Variants in KLK14 observed in about 807,000 individuals in gnomAD.
KLK14 encodes kallikrein related peptidase 14.
KLK14 carries 21 observed loss-of-function variants against 24.6 expected under a neutral mutation model. The ratio of observed to expected loss-of-function variants is 0.85; its 90% CI spans 0.61 to 1.23. The LOEUF (loss-of-function observed/expected upper bound fraction) is 1.23, where lower values mean the gene tolerates loss of function less well. Ranked by LOEUF, KLK14 falls within the 50% of genes most tolerant of loss-of-function variation. The pLI, the probability that KLK14 is intolerant of heterozygous loss-of-function variation, is 0.00. For missense variants in KLK14, 320 were observed against 338.9 expected (o/e 0.94, Z 0.44); for synonymous variants, 133 against 139.7 (o/e 0.95, Z 0.34).
At position 51,078,731 on chromosome 19, in the gene KLK14, C is replaced by T; in HGVS notation, c.603+84G>A. ...GCGGTTCACTCTCTTCTGAAGACCT[C>T]TGCAGACTTCCATGCTCCTGACATC... On this transcript the variant is annotated intron_variant, in intron 5 of 5. Transcript: ENST00000650543. This position sits in a 1 kb window ranked among gnomAD's most constrained non-coding sequence, Gnocchi z 5.0. 6.4e-7 allele frequency: 1 copy of T among 1,550,778 alleles called. No individual in the cohort carries two copies. Among genetic ancestry groups the T allele is most frequent in the Non-Finnish European group, 8.7e-7 (1 of 1,143,988 alleles).
At chr19:51,081,772 A>G (rs1050097546) in intron 2 of KLK14, 69 bp from the exon 3 acceptor site, 5 of 1,359,514 alleles carry the variant, frequency 3.7e-6, no homozygotes, top group Non-Finnish European at 3.9e-6. Flanking sequence ...AGTTTGTAGG[A>G]TTCCAAAACT....
upstream of KLK14, among the ~76,000 whole-genome samples, chr19:51,083,341 G>GAC (rs2091852771): frequency 2.0e-5 from 3 of 147,864 alleles, no homozygotes; most frequent in African/African-American, 7.7e-5. Context: ...GAGAAAGACA[G>GAC]AGAGACACAC....
intron 3 of KLK14, 143 bp downstream of exon 3, chr19:51,081,389 T>G (rs75999580): frequency 1.5e-5 from 10 of 664,952 alleles, no homozygotes; most frequent in East Asian, 6.8e-5. Context: ...GCTGTGTTTT[T>G]GTTCCAGGCT....
Position 51,078,737 on chromosome 19 carries a change from A to T in KLK14, c.603+78T>A. On this transcript the variant is annotated intron_variant, in intron 5 of 5. Transcript: ENST00000650543. The surrounding 1 kb of genome is among the most constrained non-coding windows in gnomAD (Gnocchi z 5.0). ...CACTCTCTTCTGAAGACCTCTGCAG[A>T]CTTCCATGCTCCTGACATCATTTGC... is the stretch of plus-strand genomic sequence containing the variant. The T allele has an allele frequency of 6.4e-7, 1 of 1,558,400 alleles. No homozygotes were observed. Among genetic ancestry groups the T allele is most frequent in the Non-Finnish European group, 8.7e-7 (1 of 1,149,004 alleles).
chr19:51,081,280 C>G (rs1165394534), intron 3 of KLK14, among the ~76,000 whole-genome samples: 1 of 152,204 alleles, frequency 6.6e-6, no homozygotes, highest in Non-Finnish European at 1.5e-5. Flanking sequence ...ATCACTGGAT[C>G]AGATGTTCGG....
In KLK14 at chr19:51,081,790, C is replaced by A. The variant is rs2091841307; in HGVS notation, c.41-87G>T. 8 of 1,298,466 alleles carry A rather than the reference C, an allele frequency of 6.2e-6. No individual in the cohort carries two copies. In the African/African-American group the frequency reaches 1.1e-4, roughly 17 times the overall value. 80.4% of individuals were successfully genotyped at this position (1,298,466 alleles called of 1,614,324 possible). ...TTGTAGGATTCCAAAACTGACAAAT[C>A]CCCTTCCTTTTGGTCTAACCCCTAA... On this transcript the variant is annotated intron_variant, in intron 2 of 5. Transcript: ENST00000650543.
chr19:51,077,650 C>T, downstream of KLK14: 1 of 210,104 alleles, frequency 4.8e-6, no homozygotes, highest in Admixed American at 6.0e-5. Flanking sequence ...GACTGGGGCT[C>T]CTGGGTCTGA....
upstream of KLK14, among the ~76,000 whole-genome samples, chr19:51,083,955 A>G (rs1243495048): frequency 1.3e-5 from 2 of 151,834 alleles, no homozygotes. Flanking sequence ...TGGGACAGGC[A>G]GGCCGATGGC....
Position 51,082,727 on chromosome 19 carries a change from G to A in KLK14, c.-28C>T. ...AGACAGCAAGGGGCACTTACCCAGAGCCCAAGACCCTCAGGGACATGAAGA... is the reference window on the plus strand; with the variant it reads ...AGACAGCAAGGGGCACTTACCCAGAACCCAAGACCCTCAGGGACATGAAGA... On this transcript the variant is annotated 5_prime_UTR_variant, in exon 1 of 6. Transcript: ENST00000650543. 1.2e-6 allele frequency: 2 copies of A among 1,614,042 alleles called. No homozygotes were observed. The highest frequency in any genetic ancestry group is 1.1e-5 in the South Asian group (1 of 91,056).
chr19:51,083,304 A>G (rs1434186144), upstream of KLK14, among the ~76,000 whole-genome samples: 2 of 149,976 alleles, frequency 1.3e-5, no homozygotes, highest in Non-Finnish European at 3.0e-5. Flanking sequence ...AGAGAGAGAG[A>G]GAGAGAGACA....
Position 51,081,706 on chromosome 19 carries a change from A to T in KLK14, c.41-3T>A, listed in dbSNP as rs1290564133. On this transcript the variant is annotated splice_region_variant and splice_polypyrimidine_tract_variant and intron_variant, in intron 2 of 5. Transcript: ENST00000650543. The stretch of plus-strand genomic sequence containing the variant: ...ATCCTCTTGGCTCTGTGTCATGGCT[A>T]GGAGTGGACAGGATTGGGTGGGGAA... 1 of 1,528,120 alleles carries T rather than the reference A, an allele frequency of 6.5e-7. No individual in the cohort carries two copies. The highest frequency in any genetic ancestry group is 8.8e-7 in the Non-Finnish European group (1 of 1,131,686). 94.7% of individuals were successfully genotyped at this position (1,528,120 alleles called of 1,614,324 possible).
At chr19:51,082,098 A>C in intron 2 of KLK14, among the ~76,000 whole-genome samples, 1 of 144,646 alleles carries the variant, frequency 6.9e-6, no homozygotes, top group East Asian at 2.1e-4. Flanking sequence ...CAACGTTCCC[A>C]CTCAGTGGGA....
rs372330432 is a variant in KLK14 at position 51,081,647 on chromosome 19, G to T, written c.97C>A (p.Arg33=). Residue 33 remains arginine (R), a synonymous_variant, in exon 3 of 6, where the codon CGG becomes AGG. Coordinates refer to ENST00000650543, the MANE Select transcript of KLK14 (RefSeq NM_001369775.2). ...NKIIGGHTCT[R]SSQPWQAALL... ...GCCGCCTGCCACGGCTGGGAGCTCC[G>T]GGTGCACGTATGGCCACCAATTATC... 192 of 1,552,326 alleles carry T rather than the reference G, an allele frequency of 1.2e-4. No homozygotes were observed. The highest frequency in any genetic ancestry group is 1.1e-3 in the African/African-American group (81 of 73,114).
At chr19:51,081,498 A>T in intron 3 of KLK14, 34 bp downstream of exon 3, 1 of 1,441,460 alleles carries the variant, frequency 6.9e-7, no homozygotes, top group Non-Finnish European at 9.2e-7. Flanking sequence ...TCTGGAATTC[A>T]CTAGGTACAG....
rs1188386731 is a variant in KLK14 at position 51,078,520 on chromosome 19, C to G, written c.603+295G>C. Reference sequence around the variant, plus strand: ...GCCTCAGCACAGCCTTTCCCAGACCCATATGAGCAGAGGCCACTCTGCGAT... The same window carrying G: ...GCCTCAGCACAGCCTTTCCCAGACCGATATGAGCAGAGGCCACTCTGCGAT... On this transcript the variant is annotated intron_variant, in intron 5 of 5. Coordinates refer to ENST00000650543, the MANE Select transcript of KLK14 (RefSeq NM_001369775.2). The surrounding 1 kb of genome is among the most constrained non-coding windows in gnomAD (Gnocchi z 5.0). Among the ~76,000 whole-genome samples the G allele has an allele frequency of 1.3e-5, 2 of 152,182 alleles. No individual in the cohort carries two copies. Among genetic ancestry groups the G allele is most frequent in the African/African-American group, 2.4e-5 (1 of 41,418 alleles).
intron 3 of KLK14, among the ~76,000 whole-genome samples, chr19:51,081,030 C>T (rs1397089815): frequency 6.6e-6 from 1 of 152,224 alleles, no homozygotes; most frequent in African/African-American, 2.4e-5. Flanking sequence ...ATAGACTAGA[C>T]TCTGAACTAA....
At chr19:51,082,038 C>T (rs148433405) in intron 2 of KLK14, among the ~76,000 whole-genome samples, 119 of 152,084 alleles carry the variant, frequency 7.8e-4, no homozygotes, top group African/African-American at 2.8e-3. Flanking sequence ...CCACATTTCC[C>T]CCCAATGAGT....
intron 3 of KLK14, 99 bp downstream of exon 3, chr19:51,081,433 A>G: frequency 8.9e-7 from 1 of 1,121,866 alleles, no homozygotes; most frequent in South Asian, 2.9e-5. Context: ...GCCAGCCACT[A>G]CATTGGGTTC....
chr19:51,078,998 C>T lies in KLK14; in HGVS notation c.467-47G>A. The T allele has an allele frequency of 6.4e-7, 1 of 1,573,586 alleles. No homozygotes were observed. Among genetic ancestry groups the T allele is most frequent in the South Asian group, 1.1e-5 (1 of 88,692 alleles). ...TAACTGGGTCTACCCTCCCATAAGA[C>T]CCAAGGGTCCAGGCCCCCAGCCCCT... On this transcript the variant is annotated intron_variant, in intron 4 of 5. Coordinates refer to ENST00000650543, the MANE Select transcript of KLK14 (RefSeq NM_001369775.2). This position sits in a 1 kb window ranked among gnomAD's most constrained non-coding sequence, Gnocchi z 5.0.
Sources: allele counts gnomAD v4.1 joint callset (sites outside exome capture counted in the v4.1 genomes callset), GRCh38; gene constraint gnomAD v4.1.1; non-coding constraint Gnocchi (gnomAD v3.1); transcripts MANE v1.5; gene names NCBI Gene and HGNC (gene_info 2026-07-23, HGNC 2026-07-21).